Variants in RIC3 observed in about 807,000 individuals in gnomAD.
RIC3 encodes the protein protein RIC-3.
RIC3 carries 28 observed loss-of-function variants against 27.3 expected under a neutral mutation model. The ratio of observed to expected loss-of-function variants is 1.02; its 90% CI spans 0.76 to 1.41. The LOEUF (loss-of-function observed/expected upper bound fraction) is 1.41, where lower values mean the gene tolerates loss of function less well. Among genes scored for constraint, RIC3 ranks in the 40% most tolerant of loss-of-function variants. The probability of loss-of-function intolerance (pLI) is 0.00; values close to 1 mark genes in which losing one functional copy is unlikely to be tolerated. For missense variants in RIC3, 501 were observed against 444.7 expected, an observed-to-expected ratio of 1.13 and a Z score of -1.14; for synonymous variants, 184 against 160.4, an observed-to-expected ratio of 1.15 and a Z score of -1.11.
intron 4 of RIC3, among the ~76,000 whole-genome samples, chr11:8,128,056 C>G (rs1947199487): frequency 6.6e-6 from 1 of 152,202 alleles, no homozygotes; most frequent in Non-Finnish European, 1.5e-5. Context: ...CCACATTCAG[C>G]TAAAATCCTA....
At chr11:8,149,280 AG>A (rs1284941422) in intron 1 of RIC3, among the ~76,000 whole-genome samples, 1 of 152,010 alleles carries the variant, frequency 6.6e-6, no homozygotes, top group Non-Finnish European at 1.5e-5. Flanking sequence ...ATGAAAGAAT[AG>A]GAGAGAAGCA....
intron 1 of RIC3, among the ~76,000 whole-genome samples, chr11:8,146,923 G>C (rs1225147795): frequency 1.3e-5 from 2 of 152,288 alleles, no homozygotes; most frequent in African/African-American, 4.8e-5. Context: ...ACTTCTGAGG[G>C]AGTAGATTGT....
the RIC3 span, chr11:8,101,052 C>T: frequency 2.5e-5 from 40 of 1,601,698 alleles, no homozygotes; most frequent in Admixed American, 1.0e-4. Flanking sequence ...AGGCCCTTAG[C>T]GTAGGGTTCA....
intron 1 of RIC3, among the ~76,000 whole-genome samples, chr11:8,145,614 T>C (rs1565080962): frequency 6.6e-6 from 1 of 151,840 alleles, no homozygotes; most frequent in Non-Finnish European, 1.5e-5. Context: ...AAAAAGGGGA[T>C]CTTGTGAGTG....
At chr11:8,163,638 T>C (rs987080511) in intron 1 of RIC3, among the ~76,000 whole-genome samples, 8 of 152,128 alleles carry the variant, frequency 5.3e-5, no homozygotes, top group Non-Finnish European at 1.2e-4. Flanking sequence ...CTTATGAATA[T>C]ATTTAACAAA....
At chr11:8,101,815 C>G, downstream of RIC3, 70 of 680,890 alleles carry the variant, frequency 1.0e-4, no homozygotes, top group Middle Eastern at 4.8e-4. Flanking sequence ...TAGTGGAGAG[C>G]GGGTGGGTGG....
intron 1 of RIC3, among the ~76,000 whole-genome samples, chr11:8,142,794 A>C (rs368559346): frequency 1.0e-5 from 1 of 97,630 alleles, no homozygotes; most frequent in Non-Finnish European, 1.9e-5. Flanking sequence ...TACTGGCAAA[A>C]CGAATCCAGC....
chr11:8,152,698 C>T (rs1950344708), intron 1 of RIC3, among the ~76,000 whole-genome samples: 1 of 151,980 alleles, frequency 6.6e-6, no homozygotes, highest in South Asian at 2.1e-4. Flanking sequence ...CTAAAAACTA[C>T]AGTGACTGTA....
Position 8,108,071 on chromosome 11 carries a change from T to C in RIC3, c.*2627A>G, listed in dbSNP as rs188330373. Reference sequence around the variant, plus strand: ...GAAAGGTACATCCAAATGTCTGATATATAAATACACAAATATATTCCTTAT... The same window carrying C: ...GAAAGGTACATCCAAATGTCTGATACATAAATACACAAATATATTCCTTAT... On this transcript the variant is annotated 3_prime_UTR_variant, in exon 6 of 6. Transcript: ENST00000309737. The C allele has an allele frequency of 1.6e-4, 25 of 152,356 alleles. No homozygotes were observed. The highest frequency in any genetic ancestry group is 2.9e-5 in the Non-Finnish European group (2 of 68,030). The allele number at this position is 152,356 out of a possible 1,614,324, so 9.4% of individuals were successfully genotyped here. A position where few individuals can be genotyped will look rare whatever the true frequency, so the allele number is the denominator to read the frequency against.
intron 5 of RIC3, among the ~76,000 whole-genome samples, chr11:8,120,065 A>T (rs1946273698): frequency 1.3e-5 from 2 of 152,230 alleles, no homozygotes. Flanking sequence ...GATGTGGAGA[A>T]ATAGGAAGGC....
At chr11:8,116,655 A>C (rs1945890384) in intron 5 of RIC3, among the ~76,000 whole-genome samples, 1 of 152,258 alleles carries the variant, frequency 6.6e-6, no homozygotes, top group African/African-American at 2.4e-5. Flanking sequence ...CAGGCATATG[A>C]GAAAGTGCTC....
chr11:8,126,607 C>T, intron 5 of RIC3, 52 bp downstream of exon 5: 1 of 1,597,944 alleles, frequency 6.3e-7, no homozygotes, highest in Non-Finnish European at 8.5e-7. Flanking sequence ...AAATCTGTAA[C>T]ATCTCTTTTC....
At position 8,142,522 on chromosome 11, in the gene RIC3, G is replaced by C. The variant is rs1810087693; in HGVS notation, c.125-2329C>G. On this transcript the variant is annotated intron_variant, in intron 1 of 5. Coordinates refer to ENST00000309737, the MANE Select transcript of RIC3 (RefSeq NM_001206671.4). ...TAGACCAGTAACAGGAGCTGAAATT[G>C]TGGCAATAATCAATAGTTTACCAAC... Among the ~76,000 whole-genome samples the C allele has an allele frequency of 2.0e-5, 3 of 149,352 alleles. No individual in the cohort carries two copies. In the Admixed American group the frequency reaches 2.0e-4, roughly 10 times the overall value.
chr11:8,133,935 C>A (rs1021805587), intron 4 of RIC3, among the ~76,000 whole-genome samples: 6 of 151,620 alleles, frequency 4.0e-5, no homozygotes, highest in Non-Finnish European at 8.8e-5. Flanking sequence ...GGAGTTGGGT[C>A]TCCCAAGTGA....
intron 4 of RIC3, among the ~76,000 whole-genome samples, chr11:8,129,457 T>A (rs991739711): frequency 6.6e-6 from 1 of 152,128 alleles, no homozygotes; most frequent in Non-Finnish European, 1.5e-5. Context: ...CATTTCCACT[T>A]GGAGGCCTTG....
chr11:8,099,807 A>G, the RIC3 span, among the ~76,000 whole-genome samples: 6 of 152,192 alleles, frequency 3.9e-5, no homozygotes, highest in Non-Finnish European at 7.3e-5. Context: ...AAGGAAGTGA[A>G]AAACAGCAGT....
In RIC3 at chr11:8,144,044, C is replaced by A. The variant is rs557747523; in HGVS notation, c.125-3851G>T. Reference sequence around the variant, plus strand: ...AAAATCAATTCAAGATGGATTAAAGCCTTAAACCTTAGACCTAAAACCATA... The same window carrying A: ...AAAATCAATTCAAGATGGATTAAAGACTTAAACCTTAGACCTAAAACCATA... On this transcript the variant is annotated intron_variant, in intron 1 of 5. Coordinates refer to ENST00000309737, the MANE Select transcript of RIC3 (RefSeq NM_001206671.4). Among the ~76,000 whole-genome samples, 971 of 152,176 alleles carry A rather than the reference C, an allele frequency of 6.4e-3. 19 individuals are homozygous for A. The highest frequency in any genetic ancestry group is 0.051 in the Admixed American group (773 of 15,258).
intron 4 of RIC3, among the ~76,000 whole-genome samples, chr11:8,129,101 T>A (rs1183129112): frequency 6.6e-6 from 1 of 151,962 alleles, no homozygotes; most frequent in Non-Finnish European, 1.5e-5. Context: ...AGTCCAAGGG[T>A]CTTTTTCTCA....
At chr11:8,166,163 G>A (rs1429750565) in intron 1 of RIC3, among the ~76,000 whole-genome samples, 1 of 152,102 alleles carries the variant, frequency 6.6e-6, no homozygotes, top group African/African-American at 2.4e-5. Context: ...GCAGACTTGA[G>A]TAACTGTGAC....
Sources: allele counts gnomAD v4.1 joint callset (sites outside exome capture counted in the v4.1 genomes callset), GRCh38; gene constraint gnomAD v4.1.1; transcripts MANE v1.5; gene names NCBI Gene and HGNC (gene_info 2026-07-23, HGNC 2026-07-21).